The following STYXL2 variants were observed in gnomAD, a reference collection of about 807,000 sequenced individuals.
STYXL2 encodes serine/threonine/tyrosine-interacting-like protein 2.
Under a neutral mutation model 52.4 loss-of-function variants are expected in STYXL2, and 44 were observed. The observed-to-expected ratio is 0.84, with a 90% confidence interval of 0.66 to 1.08. The LOEUF is 1.08. Among genes scored for constraint, STYXL2 ranks in the 50% least tolerant of loss-of-function variants. The probability of loss-of-function intolerance (pLI) is 0.00; values close to 1 mark genes in which losing one functional copy is unlikely to be tolerated. For missense variants in STYXL2, 1,604 were observed against 1,471.7 expected (o/e 1.09, Z -1.47); for synonymous variants, 604 against 586.9 (o/e 1.03, Z -0.42).
chr1:167,124,147 G>A (rs1362921733), intron 5 of STYXL2, among the ~76,000 whole-genome samples: 2 of 151,656 alleles, frequency 1.3e-5, no homozygotes, highest in Non-Finnish European at 2.9e-5. Context: ...CTGGCCTCAA[G>A]CGATCCTCTA....
intron 2 of STYXL2, among the ~76,000 whole-genome samples, chr1:167,095,966 C>T (rs1667277889): frequency 6.6e-6 from 1 of 152,154 alleles, no homozygotes; most frequent in South Asian, 2.1e-4. Context: ...GGCCAGGGCA[C>T]TTCGCCCAAA....
At chr1:167,113,936 AG>A in intron 3 of STYXL2, 132 bp downstream of exon 3, 1 of 734,936 alleles carries the variant, frequency 1.4e-6, no homozygotes, top group South Asian at 1.5e-5. Context: ...GATCTGCAGA[AG>A]GCAGTTCTGC....
chr1:167,104,907 C>T (rs757671704), intron 2 of STYXL2, among the ~76,000 whole-genome samples: 6 of 152,200 alleles, frequency 3.9e-5, no homozygotes, highest in Non-Finnish European at 5.9e-5. Context: ...CACTACATTC[C>T]GTGTCTGGAC....
chr1:167,095,695 C>T (rs1667271037), intron 2 of STYXL2, among the ~76,000 whole-genome samples: 1 of 152,218 alleles, frequency 6.6e-6, no homozygotes, highest in Non-Finnish European at 1.5e-5. Context: ...TTTCTTCTGT[C>T]ATAAATCATA....
Position 167,128,503 on chromosome 1 carries a change from T to G in STYXL2, c.3372T>G (p.Thr1124=), listed in dbSNP as rs147405543. Residue 1124 remains threonine (T), a synonymous_variant, in exon 6 of 6, where the codon ACT becomes ACG. Coordinates refer to ENST00000361200, the MANE Select transcript of STYXL2 (RefSeq NM_001080426.3). ...SGRRSQYRRS[T]DREEEEEMDD... is the part of the protein sequence containing the mutation. ...GGCGGTCCCAGTATCGGAGAAGCAC[T>G]GACAGGGAGGAAGAGGAAGAAATGG... 3.2e-5 allele frequency: 52 copies of G among 1,613,636 alleles called. No homozygotes were observed. The African/African-American group carries it at 6.7e-4, about 21-fold the overall frequency.
At chr1:167,120,829 CATATATATATATATATATATATAT>C (rs71587032) in intron 5 of STYXL2, among the ~76,000 whole-genome samples, 2,828 of 115,052 alleles carry the variant, frequency 0.025, 181 homozygotes, top group African/African-American at 0.07. Context: ...GTGTAAATTA[CATATATATATATATATATATATAT>C]ATATATATAT....
Position 167,122,103 on chromosome 1 carries a change from G to T in STYXL2, c.655+2637G>T, listed in dbSNP as rs1025477702. ...TTATTTACATTGTACACACTGGGAA[G>T]TTGAGACCTATGGAAGATTAAGTGG... On this transcript the variant is annotated intron_variant, in intron 5 of 5. Coordinates refer to ENST00000361200, the MANE Select transcript of STYXL2 (RefSeq NM_001080426.3). Among the ~76,000 whole-genome samples the T allele has an allele frequency of 4.6e-5, 7 of 152,264 alleles. No homozygotes were observed. In the South Asian group the frequency reaches 6.2e-4, roughly 14 times the overall value.
chr1:167,116,884 A>G (rs1401706627), intron 3 of STYXL2, among the ~76,000 whole-genome samples: 1 of 152,130 alleles, frequency 6.6e-6, no homozygotes, highest in Non-Finnish European at 1.5e-5. Flanking sequence ...TGCTGACCTC[A>G]GGTCATCTGC....
chr1:167,100,528 C>A (rs1667382488), intron 2 of STYXL2, among the ~76,000 whole-genome samples: 1 of 152,174 alleles, frequency 6.6e-6, no homozygotes, highest in South Asian at 2.1e-4. Context: ...CTGCTGGTTT[C>A]ACAATTTTAC....
At chr1:167,095,040 C>A in intron 2 of STYXL2, 81 bp downstream of exon 2, 2 of 1,009,474 alleles carry the variant, frequency 2.0e-6, no homozygotes, top group Non-Finnish European at 3.0e-6. Context: ...CTCCAGGGAG[C>A]CTGCAGCCAT....
At chr1:167,123,700 T>C (rs1219272310) in intron 5 of STYXL2, among the ~76,000 whole-genome samples, 1 of 152,242 alleles carries the variant, frequency 6.6e-6, no homozygotes, top group Non-Finnish European at 1.5e-5. Flanking sequence ...CTCAGCTCAC[T>C]GTAGCCTTTG....
intron 2 of STYXL2, among the ~76,000 whole-genome samples, chr1:167,100,403 G>A (rs927922804): frequency 1.3e-5 from 2 of 152,126 alleles, no homozygotes; most frequent in East Asian, 3.9e-4. Flanking sequence ...ATCACTTTGG[G>A]GTGATTGAGC....
In STYXL2 at chr1:167,126,673, G is replaced by A. The variant is rs763114808; in HGVS notation, c.1542G>A (p.Arg514=). The A allele has an allele frequency of 1.2e-6, 2 of 1,614,170 alleles. No homozygotes were observed. The highest frequency in any genetic ancestry group is 1.7e-6 in the Non-Finnish European group (2 of 1,180,030). ...AADRSSEAGS[R]VREDDEDSVG... is the part of the protein sequence containing the mutation. The stretch of plus-strand genomic sequence containing the variant: ...ACAGGAGCTCAGAAGCAGGGAGCAG[G>A]GTGCGGGAGGATGATGAGGACAGCG... Residue 514 remains arginine (R), a synonymous_variant, in exon 6 of 6, where the codon AGG becomes AGA. Coordinates refer to ENST00000361200, the MANE Select transcript of STYXL2 (RefSeq NM_001080426.3).
At chr1:167,111,503 TATATATATATACACAC>T (rs1211578469) in intron 2 of STYXL2, among the ~76,000 whole-genome samples, 79 of 48,812 alleles carry the variant, frequency 1.6e-3, no homozygotes, top group Admixed American at 5.4e-3. Flanking sequence ...TATATATATA[TATATATATATACACAC>T]ACACACACAC....
In STYXL2 at chr1:167,125,950, G is replaced by C; in HGVS notation, c.819G>C (p.Glu273Asp). 1 of 1,614,000 alleles carries C rather than the reference G, an allele frequency of 6.2e-7. No individual in the cohort carries two copies. The highest frequency in any genetic ancestry group is 1.1e-5 in the South Asian group (1 of 91,072). Reference sequence around the variant, plus strand: ...AGGGCTTCCTGAAGCAGCTGCGGGAGCTCAATGAGAAGTTGATGGAGGAGA... The same window carrying C: ...AGGGCTTCCTGAAGCAGCTGCGGGACCTCAATGAGAAGTTGATGGAGGAGA... Reference protein sequence around the residue: ...PNEGFLKQLRELNEKLMEERE... With the variant: ...PNEGFLKQLRDLNEKLMEERE... The change falls in exon 6 of 6, where the codon GAG becomes GAC. Residue 273 changes from glutamate to aspartate, a missense_variant. Coordinates refer to ENST00000361200, the MANE Select transcript of STYXL2 (RefSeq NM_001080426.3).
intron 5 of STYXL2, among the ~76,000 whole-genome samples, chr1:167,122,513 G>A (rs967126000): frequency 8.5e-5 from 13 of 152,082 alleles, no homozygotes; most frequent in Non-Finnish European, 1.9e-4. Flanking sequence ...TGTGGAGGGG[G>A]ATACCTTCTG....
At chr1:167,114,694 G>A (rs2102236514) in intron 3 of STYXL2, among the ~76,000 whole-genome samples, 1 of 152,302 alleles carries the variant, frequency 6.6e-6, no homozygotes, top group East Asian at 1.9e-4. Context: ...TTGACTTGCT[G>A]TTGCTCACTG....
Position 167,125,917 on chromosome 1 carries a change from C to G in STYXL2, c.786C>G (p.Tyr262Ter). ...LMTVRKKRAI[Y>*]PNEGFLKQLR... ...CCGTGCGTAAGAAGCGGGCCATCTA[C>G]CCCAATGAGGGCTTCCTGAAGCAGC... Residue 262 changes from tyrosine to a stop codon, truncating the protein, a stop_gained, in exon 6 of 6, where the codon TAC becomes TAG. Coordinates refer to ENST00000361200, the MANE Select transcript of STYXL2 (RefSeq NM_001080426.3). LOFTEE classifies it low-confidence loss of function (END_TRUNC). 1 of 1,614,092 alleles carries G rather than the reference C, an allele frequency of 6.2e-7. No homozygotes were observed. Among genetic ancestry groups the G allele is most frequent in the Non-Finnish European group, 8.5e-7 (1 of 1,180,012 alleles).
chr1:167,107,797 A>T (rs867984237), intron 2 of STYXL2, among the ~76,000 whole-genome samples: 1 of 152,178 alleles, frequency 6.6e-6, no homozygotes, highest in African/African-American at 2.4e-5. Flanking sequence ...TTATCAAATG[A>T]TTTCATAAAT....
Sources: allele counts gnomAD v4.1 joint callset (sites outside exome capture counted in the v4.1 genomes callset), GRCh38; gene constraint gnomAD v4.1.1; transcripts MANE v1.5; gene names NCBI Gene and HGNC (gene_info 2026-07-23, HGNC 2026-07-21).